The following TRAPPC9 variants were observed in gnomAD, a reference collection of about 807,000 sequenced individuals.
The protein encoded by TRAPPC9 is IKK2 binding protein.
A neutral mutation model predicts 124.0 loss-of-function variants in TRAPPC9; 83 were observed. The ratio of observed to expected loss-of-function variants is 0.67; its 90% CI spans 0.56 to 0.80. The LOEUF (loss-of-function observed/expected upper bound fraction) is 0.80. TRAPPC9 is among the 30% of genes least tolerant of loss of function. The pLI, the probability that TRAPPC9 is intolerant of heterozygous loss-of-function variation, is 0.00. For synonymous variants in TRAPPC9, 638 were observed against 617.5 expected (o/e 1.03, Z -0.49); for missense variants, 1,302 against 1,508.3 (o/e 0.86, Z 2.27).
At position 139,962,161 on chromosome 8, in the gene TRAPPC9, T is replaced by C. The variant is rs1317288626; in HGVS notation, c.2810+26565A>G. Among the ~76,000 whole-genome samples, 8 of 124,448 alleles carry C rather than the reference T, an allele frequency of 6.4e-5. 2 individuals carry two copies. The highest frequency in any genetic ancestry group is 2.0e-4 in the African/African-American group (8 of 39,256). 81.6% of individuals were successfully genotyped at this position (124,448 alleles called of 152,430 possible). ...TAACACTCAATGACGCTCATCTTCA[T>C]CTTGTTCACCCTTCATATGTCTTTG... On this transcript the variant is annotated intron_variant, in intron 19 of 22. Coordinates refer to ENST00000438773, the MANE Select transcript of TRAPPC9 (RefSeq NM_001160372.4).
rs752416635 is a variant in TRAPPC9 at position 140,451,329 on chromosome 8, C to T, written c.45G>A (p.Thr15=). 3.7e-6 allele frequency: 6 copies of T among 1,606,596 alleles called. No individual in the cohort carries two copies. Among genetic ancestry groups the T allele is most frequent in the South Asian group, 1.1e-5 (1 of 91,076 alleles). Residue 15 remains threonine, a synonymous_variant, in exon 2 of 23, where the codon ACG becomes ACA. Coordinates refer to ENST00000438773, the MANE Select transcript of TRAPPC9 (RefSeq NM_001160372.4). ...DYMQCAEDHQ[T]LLVVVQPVGI... ...CCACAGGCTGGACCACCACGAGCAG[C>T]GTCTGGTGGTCCTCAGCACACTGCA...
intron 21 of TRAPPC9, among the ~76,000 whole-genome samples, chr8:139,752,436 C>A (rs1293576835): frequency 6.6e-6 from 1 of 150,782 alleles, no homozygotes; most frequent in Non-Finnish European, 1.5e-5. Context: ...CATCTAACAT[C>A]TACCCATCCA....
intron 17 of TRAPPC9, among the ~76,000 whole-genome samples, chr8:140,105,175 A>G (rs951141587): frequency 2.6e-5 from 4 of 152,250 alleles, no homozygotes; most frequent in Non-Finnish European, 4.4e-5. Flanking sequence ...GATTAGCAGC[A>G]TATCATTGTC....
intron 17 of TRAPPC9, among the ~76,000 whole-genome samples, chr8:140,183,027 G>GA (rs58178875): frequency 0.024 from 3,519 of 144,198 alleles, 51 homozygotes; most frequent in Non-Finnish European, 0.038. Context: ...CATTATTGGG[G>GA]AAAAAAAAAA....
chr8:140,413,557 T>C (rs1280078026), intron 5 of TRAPPC9, among the ~76,000 whole-genome samples: 1 of 150,004 alleles, frequency 6.7e-6, no homozygotes, highest in Admixed American at 6.7e-5. Context: ...ATGTGCACAA[T>C]GTGCAGGTTA....
At chr8:140,076,393 C>T (rs908214218) in intron 17 of TRAPPC9, among the ~76,000 whole-genome samples, 39 of 152,196 alleles carry the variant, frequency 2.6e-4, no homozygotes, top group African/African-American at 8.2e-4. Context: ...CTTTACAACT[C>T]GTGCATCCTT....
rs913237497 is a variant in TRAPPC9, at chr8:139,747,188, GC to G, written c.3056-14987del. Among the ~76,000 whole-genome samples, 6 of 152,238 alleles carry G rather than the reference GC, an allele frequency of 3.9e-5. No individual in the cohort carries two copies. The South Asian group carries it at 1.0e-3, about 26-fold the overall frequency. On this transcript the variant is annotated intron_variant, in intron 21 of 22. Transcript: ENST00000438773. ...GCAAAGACTCTCGCCACCCAGGCAG[GC>G]CCCCCGCCCCCACCGCTCTGTGTGG...
intron 19 of TRAPPC9, among the ~76,000 whole-genome samples, chr8:139,957,039 T>A (rs886759664): frequency 3.9e-5 from 6 of 152,222 alleles, no homozygotes; most frequent in African/African-American, 1.4e-4. Flanking sequence ...CAAAATCGCA[T>A]TCCACACAGA....
chr8:140,045,650 A>AAAAAAC (rs1841547359), intron 17 of TRAPPC9, among the ~76,000 whole-genome samples: 2 of 111,612 alleles, frequency 1.8e-5, no homozygotes, highest in Non-Finnish European at 3.7e-5. Flanking sequence ...AAAAAAAAAA[A>AAAAAAC]AAAAAAAAAC....
At chr8:139,809,878 G>A (rs1000261496) in intron 21 of TRAPPC9, among the ~76,000 whole-genome samples, 1 of 152,132 alleles carries the variant, frequency 6.6e-6, no homozygotes, top group East Asian at 1.9e-4. Flanking sequence ...CTGAGCGGCA[G>A]GATACTGAGT....
rs1354540018 is a variant in TRAPPC9, at chr8:140,257,893, G to A, written c.2279-4964C>T. 6.6e-6 allele frequency among the ~76,000 whole-genome samples: 1 copy of A among 152,170 alleles called. No homozygotes were observed. Among genetic ancestry groups the A allele is most frequent in the Non-Finnish European group, 1.5e-5 (1 of 68,034 alleles). On this transcript the variant is annotated intron_variant, in intron 15 of 22. Coordinates refer to ENST00000438773, the MANE Select transcript of TRAPPC9 (RefSeq NM_001160372.4). This position sits in a 1 kb window ranked among gnomAD's most constrained non-coding sequence, Gnocchi z 4.6. ...ATCTTTCTGTTTGTAGCTCTCACTG[G>A]GATGTGCATGTGAGGAGAACTGCAT...
At chr8:139,823,679 C>CG (rs1825416328) in intron 21 of TRAPPC9, among the ~76,000 whole-genome samples, 1 of 152,196 alleles carries the variant, frequency 6.6e-6, no homozygotes, top group South Asian at 2.1e-4. Context: ...TGTCTGCTGA[C>CG]GGACAGTGTT....
chr8:140,177,177 G>T (rs560263516), intron 17 of TRAPPC9, among the ~76,000 whole-genome samples: 66 of 152,146 alleles, frequency 4.3e-4, no homozygotes, highest in African/African-American at 1.6e-3. Context: ...TTTGTCCTTT[G>T]TGTTTTAGAC....
intron 17 of TRAPPC9, among the ~76,000 whole-genome samples, chr8:140,091,953 C>T (rs866202003): frequency 2.6e-5 from 4 of 151,756 alleles, no homozygotes; most frequent in East Asian, 3.9e-4. Flanking sequence ...GGCCCCACAG[C>T]GACCCTTCGA....
chr8:139,999,962 C>T (rs546231189), intron 18 of TRAPPC9, among the ~76,000 whole-genome samples: 75 of 152,196 alleles, frequency 4.9e-4, no homozygotes, highest in African/African-American at 1.5e-3. Context: ...TAAGAAAGAA[C>T]GGCTTCAAAT....
At chr8:140,122,616 G>T (rs1383772677) in intron 17 of TRAPPC9, among the ~76,000 whole-genome samples, 1 of 152,176 alleles carries the variant, frequency 6.6e-6, no homozygotes, top group Non-Finnish European at 1.5e-5. Context: ...GTTTCTGTGA[G>T]AATTAAATTT....
At chr8:139,997,482 AAT>A (rs1218910173) in intron 18 of TRAPPC9, among the ~76,000 whole-genome samples, 27 of 78,736 alleles carry the variant, frequency 3.4e-4, no homozygotes, top group Non-Finnish European at 9.7e-4. Flanking sequence ...CAGGGGAGAC[AAT>A]GCATTCCACA....
At chr8:140,298,035 A>G (rs1240828266) in intron 11 of TRAPPC9, among the ~76,000 whole-genome samples, 2 of 152,216 alleles carry the variant, frequency 1.3e-5, no homozygotes, top group African/African-American at 4.8e-5. Flanking sequence ...TCGTTTCTCT[A>G]AGTTTGTTTC....
intron 2 of TRAPPC9, among the ~76,000 whole-genome samples, chr8:140,449,080 G>A (rs375484399): frequency 1.3e-5 from 2 of 152,150 alleles, no homozygotes; most frequent in South Asian, 2.1e-4. Flanking sequence ...AGGCAGGTGC[G>A]ACTGAGGCTA....
Sources: allele counts gnomAD v4.1 joint callset (sites outside exome capture counted in the v4.1 genomes callset), GRCh38; gene constraint gnomAD v4.1.1; non-coding constraint Gnocchi (gnomAD v3.1); transcripts MANE v1.5; gene names NCBI Gene and HGNC (gene_info 2026-07-23, HGNC 2026-07-21).